The following TPR variants were observed in gnomAD, a reference collection of about 807,000 sequenced individuals.
TPR encodes nucleoprotein TPR.
In TPR, 51 loss-of-function variants were observed where a neutral mutation model predicts 316.1. The ratio of observed to expected loss-of-function variants is 0.16; its 90% CI spans 0.13 to 0.20. The LOEUF (loss-of-function observed/expected upper bound fraction) is 0.20, where lower values mean the gene tolerates loss of function less well. Among genes scored for constraint, TPR ranks in the 10% least tolerant of loss-of-function variants. The probability of loss-of-function intolerance (pLI) is 1.00; values close to 1 mark genes in which losing one functional copy is unlikely to be tolerated. For missense variants in TPR, 2,272 were observed against 2,754.8 expected (o/e 0.82, Z 3.92); for synonymous variants, 981 against 914.7 (o/e 1.07, Z -1.31).
At position 186,338,234 on chromosome 1, in the gene TPR, T is replaced by C. The variant is rs775832173; in HGVS notation, c.4161A>G (p.Ala1387=). 22 of 1,603,862 alleles carry C rather than the reference T, an allele frequency of 1.4e-5. No individual in the cohort carries two copies. The highest frequency in any genetic ancestry group is 1.7e-4 in the Middle Eastern group (1 of 5,980). Residue 1387 remains alanine (A), a synonymous_variant, in exon 31 of 51, where the codon GCA becomes GCG. Coordinates refer to ENST00000367478, the MANE Select transcript of TPR (RefSeq NM_003292.3). The part of the protein sequence containing the change: ...RLKAEIARSN[A]SLTNNQNLIQ... ...TTAAGTTCTGGTTGTTAGTCAAAGA[T>C]GCATTTGATCTTTAAAAAATGGAGG...
chr1:186,364,831 T>C (rs982156818), intron 4 of TPR, among the ~76,000 whole-genome samples: 19 of 152,064 alleles, frequency 1.2e-4, no homozygotes, highest in Non-Finnish European at 5.9e-5. Context: ...TATTTATTAG[T>C]AAGAAAGAGA....
chr1:186,374,759 C>T, intron 1 of TPR, 119 bp downstream of exon 1: 1 of 1,099,408 alleles, frequency 9.1e-7, no homozygotes, highest in Non-Finnish European at 1.3e-6. Flanking sequence ...AGGATATCCA[C>T]AGAGCCCAGG....
intron 4 of TPR, among the ~76,000 whole-genome samples, chr1:186,366,114 T>C (rs928381937): frequency 2.0e-5 from 3 of 152,186 alleles, no homozygotes; most frequent in South Asian, 2.1e-4. Context: ...TGGTAATGTA[T>C]AGAAACATTT....
intron 30 of TPR, among the ~76,000 whole-genome samples, chr1:186,339,002 T>G (rs1205195666): frequency 6.6e-6 from 1 of 152,186 alleles, no homozygotes; most frequent in African/African-American, 2.4e-5. Context: ...AATATATAAA[T>G]GGGACCATGA....
chr1:186,356,500 T>C (rs762019740), intron 14 of TPR, 51 bp from the exon 15 acceptor site: 17 of 1,505,048 alleles, frequency 1.1e-5, no homozygotes, highest in Middle Eastern at 1.8e-4. Flanking sequence ...AGTTAACTGA[T>C]TGTAATTTCT....
At position 186,333,163 on chromosome 1, in the gene TPR, G is replaced by A. The variant is rs1658225307; in HGVS notation, c.5414C>T (p.Pro1805Leu). 2.5e-6 allele frequency: 4 copies of A among 1,613,468 alleles called. No individual in the cohort carries two copies. Among genetic ancestry groups the A allele is most frequent in the Non-Finnish European group, 3.4e-6 (4 of 1,179,614 alleles). ...TGTGGAAGTAGAAGGCCGCTCAACT[G>A]GTGAACTCTGAACAACCTCTACTAT... Reference protein sequence around the residue: ...SNIVEVVQSSPVERPSTSTAV... With the variant: ...SNIVEVVQSSLVERPSTSTAV... Residue 1805 changes from proline (P) to leucine (L), a missense_variant, in exon 37 of 51, where the codon CCA becomes CTA. This residue lies in a region of TPR where 435 missense variants were observed against 461.1 expected (regional missense o/e 0.94). Transcript: ENST00000367478.
Position 186,355,537 on chromosome 1 carries a change from A to G in TPR, c.2044T>C (p.Tyr682His). The change falls in exon 17 of 51, where the codon TAC (tyrosine) becomes CAC (histidine). Residue 682 changes from tyrosine (Y) to histidine (H), a missense_variant. Tyr to His is a moderately conservative substitution (Grantham distance 83). Transcript: ENST00000367478. ...LKQLQEIFEN[Y>H]KKEKAENEKI... is the part of the protein sequence containing the mutation. ...TCATTTTCTGCTTTTTCTTTTTTGT[A>G]GTTCTCAAAAATTTCCTGCAACTAA... The G allele has an allele frequency of 3.1e-6, 5 of 1,611,688 alleles. No homozygotes were observed. The highest frequency in any genetic ancestry group is 4.2e-6 in the Non-Finnish European group (5 of 1,179,590).
At chr1:186,336,723 G>A (rs1230800586) in intron 32 of TPR, 29 bp from the exon 33 acceptor site, 8 of 1,594,404 alleles carry the variant, frequency 5.0e-6, no homozygotes, top group Non-Finnish European at 6.9e-6. Context: ...TATTCACCAT[G>A]GAATTCAATC....
intron 23 of TPR, 146 bp from the exon 24 acceptor site, chr1:186,345,842 C>T: frequency 1.5e-6 from 1 of 666,038 alleles, no homozygotes; most frequent in Non-Finnish European, 2.5e-6. Flanking sequence ...TGTTTACACC[C>T]TGATATAATC....
At chr1:186,319,201 C>A (rs975438291) in intron 46 of TPR, among the ~76,000 whole-genome samples, 2 of 152,024 alleles carry the variant, frequency 1.3e-5, no homozygotes, top group African/African-American at 4.8e-5. Flanking sequence ...GTTGTCAAGG[C>A]TGCACCTGAA....
chr1:186,316,445 G>A (rs1389746036), intron 49 of TPR, among the ~76,000 whole-genome samples: 1 of 152,172 alleles, frequency 6.6e-6, no homozygotes, highest in Non-Finnish European at 1.5e-5. Flanking sequence ...GCAAAGTTCT[G>A]TGATTTAAAA....
At chr1:186,318,710 T>C (rs764336514) in intron 47 of TPR, 23 bp downstream of exon 47, 2 of 1,613,080 alleles carry the variant, frequency 1.2e-6, no homozygotes, top group Admixed American at 1.7e-5. Flanking sequence ...AAACAGAACC[T>C]ACTATCTGCC....
intron 49 of TPR, 33 bp from the exon 50 acceptor site, chr1:186,314,757 G>T: frequency 6.9e-7 from 1 of 1,448,550 alleles, no homozygotes; most frequent in Non-Finnish European, 9.5e-7. Flanking sequence ...AGAAAAGCAA[G>T]TGAAAAAATG....
At position 186,312,848 on chromosome 1, in the gene TPR, C is replaced by T. The variant is rs1657378110; in HGVS notation, c.*1123G>A. 3 of 1,612,496 alleles carry T rather than the reference C, an allele frequency of 1.9e-6. No homozygotes were observed. The highest frequency in any genetic ancestry group is 1.7e-6 in the Non-Finnish European group (2 of 1,178,574). ...TGGTTACCTCAGCTATATCACTGCC[C>T]AACATCAGAAAACCTGACGGCTATG... On this transcript the variant is annotated 3_prime_UTR_variant, in exon 51 of 51. Coordinates refer to ENST00000367478, the MANE Select transcript of TPR (RefSeq NM_003292.3).
Position 186,343,974 on chromosome 1 carries a change from T to C in TPR, c.3534A>G (p.Val1178=). 1 of 1,614,214 alleles carries C rather than the reference T, an allele frequency of 6.2e-7. No individual in the cohort carries two copies. The highest frequency in any genetic ancestry group is 2.2e-5 in the East Asian group (1 of 44,886). ...TGAGAGATACATTCAGTGGACCTTG[T>C]ACACCTTCCTTCACAGAGGCAACGA... is the stretch of plus-strand genomic sequence containing the variant. The part of the protein sequence containing the change: ...DKVVASVKEG[V]QGPLNVSLSE... The change falls in exon 26 of 51, where the codon GTA becomes GTG. Residue 1178 remains valine (V), a synonymous_variant. Transcript: ENST00000367478.
intron 27 of TPR, 143 bp from the exon 28 acceptor site, chr1:186,341,532 GT>G: frequency 1.1e-6 from 1 of 873,020 alleles, no homozygotes; most frequent in Non-Finnish European, 1.7e-6. Flanking sequence ...GAAAGTTCAC[GT>G]TTACTTTTCT....
At chr1:186,336,822 A>C in intron 32 of TPR, 128 bp from the exon 33 acceptor site, 1 of 1,323,386 alleles carries the variant, frequency 7.6e-7, no homozygotes, top group Non-Finnish European at 1.0e-6. Context: ...TAAGTATAAA[A>C]ATGGTGGTCA....
At chr1:186,350,461 G>A in intron 20 of TPR, 73 bp from the exon 21 acceptor site, 1 of 1,161,814 alleles carries the variant, frequency 8.6e-7, no homozygotes, top group South Asian at 1.8e-5. Flanking sequence ...TCTTTTTATA[G>A]ACCTTTGGAG....
chr1:186,367,060 C>CTTTTTTT (rs71104854), intron 4 of TPR, among the ~76,000 whole-genome samples: 17 of 89,566 alleles, frequency 1.9e-4, no homozygotes, highest in Non-Finnish European at 3.1e-4. Context: ...CCCAAAACAC[C>CTTTTTTT]TTTTTTTTTT....
Sources: gnomAD v4.1 joint callset for allele counts (sites outside exome capture counted in the v4.1 genomes callset) on GRCh38, gnomAD v4.1.1 for gene constraint, gnomAD v4.1.1 regional missense constraint, MANE v1.5 for transcripts, NCBI Gene and HGNC (gene_info 2026-07-23, HGNC 2026-07-21) for gene names.